The following COL6A6 variants were observed in gnomAD, a reference collection of about 807,000 sequenced individuals.
COL6A6 encodes the protein collagen alpha-6(VI) chain.
COL6A6 carries 183 observed loss-of-function variants against 208.6 expected under a neutral mutation model. The ratio of observed to expected loss-of-function variants is 0.88; its 90% confidence interval spans 0.78 to 0.99. The LOEUF is 0.99. Ranked by LOEUF, COL6A6 falls within the 50% of genes least tolerant of loss-of-function variation. COL6A6 has a pLI of 0.00. For synonymous variants in COL6A6, 973 were observed against 1,011.8 expected (o/e 0.96, Z 0.73); for missense variants, 2,816 against 2,815.2 (o/e 1.00, Z -0.01).
chr3:130,594,461 G>A (rs1000635381), intron 18 of COL6A6, 118 bp downstream of exon 18: 11 of 732,794 alleles, frequency 1.5e-5, no homozygotes, highest in Admixed American at 5.5e-5. Flanking sequence ...CCACAGGCAT[G>A]ATTGTAACAT....
At chr3:130,529,952 GTGT>G (rs1439809843) in intron 1 of COL6A6, among the ~76,000 whole-genome samples, 2 of 152,200 alleles carry the variant, frequency 1.3e-5, no homozygotes, top group East Asian at 1.9e-4. Flanking sequence ...GGTTCTCAAA[GTGT>G]TGTCCTCAGC....
At chr3:130,655,617 G>A (rs534171465) in intron 33 of COL6A6, among the ~76,000 whole-genome samples, 25 of 152,324 alleles carry the variant, frequency 1.6e-4, no homozygotes, top group African/African-American at 6.0e-4. Flanking sequence ...GTCACTTGGT[G>A]CGCCTGGGAG....
rs148434074 is a variant in COL6A6 at position 130,534,204 on chromosome 3, G to A, written c.-32+16807G>A. Reference sequence around the variant, plus strand: ...TTTTGGTATTGTCAAACTCATTTTGGCCAGTCTAATAGGAAGGAAATGGAA... The same window carrying A: ...TTTTGGTATTGTCAAACTCATTTTGACCAGTCTAATAGGAAGGAAATGGAA... On this transcript the variant is annotated intron_variant, in intron 1 of 36. Coordinates refer to ENST00000358511, the MANE Select transcript of COL6A6 (RefSeq NM_001102608.3). Among the ~76,000 whole-genome samples the A allele has an allele frequency of 1.9e-3, 280 of 149,420 alleles. 2 individuals are homozygous for A. Among genetic ancestry groups the A allele is most frequent in the African/African-American group, 6.8e-3 (264 of 38,876 alleles).
chr3:130,649,091 C>G lies in COL6A6; in HGVS notation c.5262C>G (p.His1754Gln). ...GRHGKPECPV[H>Q]PTELVFALDH... ...TAGGAAAACCGGAATGCCCAGTGCA[C>G]CCAACCGAGTTGGTGTTTGCCCTGG... Residue 1754 changes from histidine to glutamine, a missense_variant, in exon 33 of 37, where the codon CAC becomes CAG. Coordinates refer to ENST00000358511, the MANE Select transcript of COL6A6 (RefSeq NM_001102608.3). The G allele has an allele frequency of 6.4e-7, 1 of 1,571,184 alleles. No homozygotes were observed. Among genetic ancestry groups the G allele is most frequent in the East Asian group, 2.3e-5 (1 of 42,558 alleles).
intron 22 of COL6A6, among the ~76,000 whole-genome samples, chr3:130,609,180 A>G (rs536512374): frequency 1.3e-5 from 2 of 152,344 alleles, no homozygotes; most frequent in African/African-American, 4.8e-5. Context: ...GTGAATGAGC[A>G]AACTAGGCAG....
At chr3:130,621,942 C>CT in intron 24 of COL6A6, 59 bp downstream of exon 24, 1 of 1,401,806 alleles carries the variant, frequency 7.1e-7, no homozygotes, top group Non-Finnish European at 1.0e-6. Context: ...AGAACTGTGT[C>CT]TAATTGTATT....
chr3:130,634,454 C>G (rs2065049583), intron 26 of COL6A6, 136 bp from the exon 27 acceptor site: 3 of 721,944 alleles, frequency 4.2e-6, no homozygotes. Flanking sequence ...TATTTCACTT[C>G]CAGATTTCAA....
At position 130,586,669 on chromosome 3, in the gene COL6A6, T is replaced by A; in HGVS notation, c.4125+9T>A. ...GGCTGTCAAAGCAGCTGGTAAGTTA[T>A]TCTGAAAAGGCTGGTGAGCTTAAAT... On this transcript the variant is annotated intron_variant, in intron 11 of 36. Transcript: ENST00000358511. 6.2e-7 allele frequency: 1 copy of A among 1,609,820 alleles called. No homozygotes were observed. The highest frequency in any genetic ancestry group is 1.3e-5 in the African/African-American group (1 of 74,870).
chr3:130,553,308 C>T (rs902997850), intron 1 of COL6A6, among the ~76,000 whole-genome samples: 6 of 152,194 alleles, frequency 3.9e-5, no homozygotes, highest in East Asian at 1.9e-4. Flanking sequence ...GGTCTCTGTA[C>T]ATAATTCCAT....
In COL6A6 at chr3:130,584,899, C is replaced by G. The variant is rs188236484; in HGVS notation, c.3971-1607C>G. Among the ~76,000 whole-genome samples, 280 of 152,252 alleles carry G rather than the reference C, an allele frequency of 1.8e-3. 5 individuals carry two copies. Among genetic ancestry groups the G allele is most frequent in the Non-Finnish European group, 6.3e-4 (43 of 68,030 alleles). On this transcript the variant is annotated intron_variant, in intron 10 of 36. Transcript: ENST00000358511. ...AGAGTGATGGGATTACAGGTGTGAG[C>G]CACCGCACCCGGCCTCTTTCTTTCT...
intron 20 of COL6A6, among the ~76,000 whole-genome samples, chr3:130,601,757 C>T (rs937945434): frequency 8.5e-5 from 13 of 152,176 alleles, no homozygotes; most frequent in South Asian, 6.2e-4. Context: ...ATTCCTCTTA[C>T]GTGCATCTCA....
intron 23 of COL6A6, among the ~76,000 whole-genome samples, chr3:130,621,105 G>T (rs1211121779): frequency 5.9e-5 from 9 of 152,156 alleles, no homozygotes; most frequent in Admixed American, 5.9e-4. Context: ...ATATCTGATA[G>T]CTTTTCCATA....
chr3:130,657,850 GAA>G (rs550413812), intron 33 of COL6A6, among the ~76,000 whole-genome samples: 87 of 152,282 alleles, frequency 5.7e-4, no homozygotes, highest in African/African-American at 1.9e-3. Flanking sequence ...GAATCACAGG[GAA>G]AAACTAAAAT....
chr3:130,592,963 G>A, intron 15 of COL6A6, 98 bp from the exon 16 acceptor site: 1 of 1,112,388 alleles, frequency 9.0e-7, no homozygotes, highest in African/African-American at 1.6e-5. Flanking sequence ...TCACAAGGAG[G>A]CTGTATGTGA....
rs1441635427 is a variant in COL6A6 at position 130,589,110 on chromosome 3, A to G, written c.4146A>G (p.Thr1382=). 6.2e-7 allele frequency: 1 copy of G among 1,613,712 alleles called. No homozygotes were observed. Among genetic ancestry groups the G allele is most frequent in the Non-Finnish European group, 8.5e-7 (1 of 1,179,792 alleles). Reference sequence around the variant, plus strand: ...CCAAGGTCAATGTTGCTGAAAGGACATGCTGCTGTTTGTTCTGCAAGTGCA... The same window carrying G: ...CCAAGGTCAATGTTGCTGAAAGGACGTGCTGCTGTTTGTTCTGCAAGTGCA... The part of the protein sequence containing the change: ...SKQLVNVAER[T]CCCLFCKCIG... The change falls in exon 12 of 37, where the codon ACA becomes ACG. Residue 1382 remains threonine, a synonymous_variant. Transcript: ENST00000358511.
rs1324943981 is a variant in COL6A6 at position 130,627,455 on chromosome 3, G to A, written c.4992+86G>A. 18 of 1,181,724 alleles carry A rather than the reference G, an allele frequency of 1.5e-5. No individual in the cohort carries two copies. The East Asian group carries it at 4.2e-4, about 28-fold the overall frequency. 73.2% of individuals were successfully genotyped at this position (1,181,724 alleles called of 1,614,324 possible). On this transcript the variant is annotated intron_variant, in intron 26 of 36. Transcript: ENST00000358511. ...TGCCACATTTAAGAGAAAAAGGGAA[G>A]CAGGGAATAAGGCAATCTTGGACAG...
At position 130,662,147 on chromosome 3, in the gene COL6A6, C is replaced by T. The variant is rs1176120248; in HGVS notation, c.6341C>T (p.Ala2114Val). The stretch of plus-strand genomic sequence containing the variant: ...TTGCGAGCCAAATGTCAGGGATATG[C>T]CTTATTTGTGTTTTCCCTTGGCCCT... The part of the protein sequence containing the change: ...ESLRAKCQGY[A>V]LFVFSLGPIW... Residue 2114 changes from alanine (A) to valine (V), a missense_variant, in exon 35 of 37, where the codon GCC becomes GTC. Physicochemically the swap from Ala to Val is moderately conservative, Grantham distance 64. Transcript: ENST00000358511. The T allele has an allele frequency of 1.2e-6, 2 of 1,613,952 alleles. No homozygotes were observed. Among genetic ancestry groups the T allele is most frequent in the East Asian group, 4.5e-5 (2 of 44,882 alleles).
At chr3:130,548,881 G>A (rs572080609) in intron 1 of COL6A6, among the ~76,000 whole-genome samples, 1 of 152,308 alleles carries the variant, frequency 6.6e-6, no homozygotes, top group South Asian at 2.1e-4. Context: ...TCTCTCCAAT[G>A]GGGGCAGGGG....
chr3:130,673,678 G>A (rs1043250778), intron 36 of COL6A6, among the ~76,000 whole-genome samples: 11 of 152,148 alleles, frequency 7.2e-5, no homozygotes, highest in Non-Finnish European at 1.2e-4. Context: ...ATGCTGGGAT[G>A]GTACATGGGT....
Sources: gnomAD v4.1 joint callset for allele counts (sites outside exome capture counted in the v4.1 genomes callset) on GRCh38, gnomAD v4.1.1 for gene constraint, MANE v1.5 for transcripts, NCBI Gene and HGNC (gene_info 2026-07-23, HGNC 2026-07-21) for gene names.